The following ACYP2 variants were observed in gnomAD, a reference collection of about 807,000 sequenced individuals.
ACYP2 encodes acylphosphatase-2.
ACYP2 carries 12 observed loss-of-function variants against 11.2 expected under a neutral mutation model. The observed-to-expected ratio is 1.08, with a 90% CI of 0.69 to 1.74. The LOEUF (loss-of-function observed/expected upper bound fraction) is 1.74, where lower values mean the gene tolerates loss of function less well. Among genes scored for constraint, ACYP2 ranks in the 40% most tolerant of loss-of-function variants. The pLI, the probability that ACYP2 is intolerant of heterozygous loss-of-function variation, is 0.00. For missense variants in ACYP2, 134 were observed against 101.9 expected (o/e 1.31, Z -1.35); for synonymous variants, 43 against 32.2 (o/e 1.33, Z -1.13).
chr2:54,178,363 G>T (rs1201587747), intron 6 of ACYP2, among the ~76,000 whole-genome samples: 1 of 152,144 alleles, frequency 6.6e-6, no homozygotes, highest in Non-Finnish European at 1.5e-5. Flanking sequence ...TGTTTATCCA[G>T]TAGTGCTAAG....
At chr2:54,111,139 T>G (rs1468164740) in intron 4 of ACYP2, among the ~76,000 whole-genome samples, 1 of 152,074 alleles carries the variant, frequency 6.6e-6, no homozygotes, top group Admixed American at 6.5e-5. Flanking sequence ...ATGGGGCACT[T>G]AATACAGAAG....
chr2:54,094,186 G>T (rs936329131), intron 4 of ACYP2, among the ~76,000 whole-genome samples: 1 of 151,668 alleles, frequency 6.6e-6, no homozygotes, highest in Non-Finnish European at 1.5e-5. Flanking sequence ...AAGAAAGGAA[G>T]ATTTTGGTAG....
intron 6 of ACYP2, among the ~76,000 whole-genome samples, chr2:54,301,748 A>G (rs755460327): frequency 2.0e-5 from 3 of 152,006 alleles, no homozygotes; most frequent in African/African-American, 4.8e-5. Context: ...TTTTGTGACT[A>G]TTTTTTTGCT....
At chr2:54,237,469 C>G (rs1686536547) in intron 6 of ACYP2, among the ~76,000 whole-genome samples, 1 of 152,144 alleles carries the variant, frequency 6.6e-6, no homozygotes, top group Non-Finnish European at 1.5e-5. Flanking sequence ...TACAAATTCT[C>G]TACATGAAGT....
chr2:54,245,362 C>A (rs1206493657), intron 6 of ACYP2, among the ~76,000 whole-genome samples: 1 of 152,148 alleles, frequency 6.6e-6, no homozygotes, highest in Non-Finnish European at 1.5e-5. Context: ...GATACCTCTT[C>A]AATGTACTGA....
At chr2:54,152,142 A>C (rs569120144) in intron 6 of ACYP2, among the ~76,000 whole-genome samples, 6 of 95,312 alleles carry the variant, frequency 6.3e-5, no homozygotes, top group African/African-American at 2.2e-4. Context: ...TTTTTGAGGC[A>C]GAGTTTTGCT....
intron 4 of ACYP2, among the ~76,000 whole-genome samples, chr2:54,100,195 C>G (rs779228320): frequency 1.3e-5 from 2 of 150,036 alleles, no homozygotes; most frequent in Non-Finnish European, 2.9e-5. Context: ...AGATTTAGTT[C>G]ACTGTATAGC....
At chr2:54,084,713 T>TC (rs1677854758) in intron 4 of ACYP2, 1 of 152,212 alleles carries the variant, frequency 6.6e-6, no homozygotes, top group Non-Finnish European at 1.5e-5. Context: ...CAATTAACAG[T>TC]ATTATTTATT....
intron 6 of ACYP2, among the ~76,000 whole-genome samples, chr2:54,186,240 T>A (rs915358223): frequency 1.3e-5 from 2 of 152,126 alleles, no homozygotes; most frequent in African/African-American, 4.8e-5. Context: ...CATATGAAAT[T>A]CACCTCAACT....
At chr2:54,165,790 C>T (rs1432133505) in intron 6 of ACYP2, among the ~76,000 whole-genome samples, 1 of 152,098 alleles carries the variant, frequency 6.6e-6, no homozygotes, top group Non-Finnish European at 1.5e-5. Flanking sequence ...GTCAGTGCAT[C>T]TTGGACTCTG....
intron 2 of ACYP2, among the ~76,000 whole-genome samples, chr2:54,010,577 G>A (rs1264951688): frequency 6.6e-5 from 10 of 151,372 alleles, no homozygotes. Flanking sequence ...CCATAAATAT[G>A]TACACCTACC....
At chr2:54,168,078 T>C (rs1044469714) in intron 6 of ACYP2, among the ~76,000 whole-genome samples, 3 of 152,174 alleles carry the variant, frequency 2.0e-5, no homozygotes, top group Admixed American at 2.0e-4. Flanking sequence ...AAAACTGTTT[T>C]GTCAAAATAT....
At chr2:54,290,942 A>T (rs1044867180) in intron 6 of ACYP2, among the ~76,000 whole-genome samples, 4 of 152,196 alleles carry the variant, frequency 2.6e-5, no homozygotes, top group African/African-American at 9.6e-5. Context: ...TTGCCTTGCC[A>T]AGAACAGAAC....
intron 2 of ACYP2, among the ~76,000 whole-genome samples, chr2:54,006,665 G>C (rs548430366): frequency 6.4e-4 from 97 of 152,100 alleles, no homozygotes; most frequent in African/African-American, 2.2e-3. Flanking sequence ...ACAGGGTCTT[G>C]CTTTGTCACC....
chr2:54,085,792 G>T (rs577770206), intron 4 of ACYP2, among the ~76,000 whole-genome samples: 2 of 152,118 alleles, frequency 1.3e-5, no homozygotes, highest in Non-Finnish European at 2.9e-5. Flanking sequence ...TCTCAGTGAA[G>T]AATATATGGC....
At chr2:54,007,138 C>CAAAAAAAAAAAAA (rs70944145) in intron 2 of ACYP2, among the ~76,000 whole-genome samples, 7 of 52,182 alleles carry the variant, frequency 1.3e-4, no homozygotes, top group Admixed American at 5.8e-4. Flanking sequence ...GACTCTGTGT[C>CAAAAAAAAAAAAA]AAAAAAAAAA....
intron 6 of ACYP2, among the ~76,000 whole-genome samples, chr2:54,289,016 A>G (rs1689194737): frequency 6.6e-6 from 1 of 152,056 alleles, no homozygotes; most frequent in Non-Finnish European, 1.5e-5. Context: ...GGAAAACTAA[A>G]GAATGACAGC....
At chr2:54,200,364 A>T (rs1684703500) in intron 6 of ACYP2, among the ~76,000 whole-genome samples, 1 of 152,176 alleles carries the variant, frequency 6.6e-6, no homozygotes, top group Non-Finnish European at 1.5e-5. Context: ...GAGATTATAG[A>T]GGAAATCCAA....
intron 2 of ACYP2, among the ~76,000 whole-genome samples, chr2:54,046,696 T>C (rs776227358): frequency 6.6e-6 from 1 of 152,274 alleles, no homozygotes; most frequent in Middle Eastern, 3.4e-3. Flanking sequence ...GTGTATGACC[T>C]GTCCAATCAC....
Sources: gnomAD v4.1 joint callset for allele counts (sites outside exome capture counted in the v4.1 genomes callset) on GRCh38, gnomAD v4.1.1 for gene constraint, MANE v1.5 for transcripts, NCBI Gene and HGNC (gene_info 2026-07-23, HGNC 2026-07-21) for gene names.